TBC1D8B: variants seen among roughly 807,000 people sequenced by gnomAD.
TBC1D8B encodes TBC1 domain family member 8B.
In TBC1D8B, 75 loss-of-function variants were observed where a neutral mutation model predicts 82.9. The observed-to-expected ratio is 0.90, with a 90% CI of 0.75 to 1.10. The LOEUF is 1.10. Among genes scored for constraint, TBC1D8B ranks in the 50% least tolerant of loss-of-function variants. The pLI is 0.00. For synonymous variants in TBC1D8B, 276 were observed against 276.8 expected (o/e 1.00, Z 0.03); for missense variants, 794 against 796.9 (o/e 1.00, Z 0.04).
intron 8 of TBC1D8B, 38 bp downstream of exon 8, chrX:106,839,495 A>G (rs756087292): frequency 9.2e-7 from 1 of 1,087,440 alleles, no homozygotes; most frequent in East Asian, 3.1e-5. Flanking sequence ...GGGCTGAAAC[A>G]TTTGGTGAAA....
chrX:106,872,925 G>C (rs186364849), intron 20 of TBC1D8B, among the ~76,000 whole-genome samples: 10 of 111,118 alleles, frequency 9.0e-5, no homozygotes, highest in African/African-American at 3.0e-4. Flanking sequence ...AGCTATGATT[G>C]CACCATGGTA....
intron 7 of TBC1D8B, chrX:106,830,116 C>T (rs1931993880): frequency 9.0e-6 from 1 of 111,647 alleles, no homozygotes; most frequent in South Asian, 3.8e-4. Context: ...CAAACAACCC[C>T]ATCAAAAAGT....
In TBC1D8B at chrX:106,840,759, A is replaced by C. The variant is rs757588987; in HGVS notation, c.1594A>C (p.Ile532Leu). 8.3e-7 allele frequency: 1 copy of C among 1,211,111 alleles called. No homozygotes were observed. Among genetic ancestry groups the C allele is most frequent in the South Asian group, 1.8e-5 (1 of 56,961 alleles). Residue 532 changes from isoleucine to leucine, a missense_variant, in exon 10 of 21, where the codon ATT (isoleucine) becomes CTT (leucine). Physicochemically the swap from Ile to Leu is conservative, Grantham distance 5. Coordinates refer to ENST00000357242, the MANE Select transcript of TBC1D8B (RefSeq NM_017752.3). ...GACCTGCAACTTGGCTACTGAAGAA[A>C]TTGAACGTGATTTACGTCGCTCTCT... is the stretch of plus-strand genomic sequence containing the variant. ...LGTCNLATEEIERDLRRSLPE... is the reference protein window; with the variant it reads ...LGTCNLATEELERDLRRSLPE...
In TBC1D8B at chrX:106,821,959, A is replaced by T. The variant is rs1465820684; in HGVS notation, c.361-18A>T. Reference sequence around the variant, plus strand: ...TTGGTAGGTGATGAATTTTCAGAAAATATTTTGTCTCCTTTAGGGATTAAT... The same window carrying T: ...TTGGTAGGTGATGAATTTTCAGAAATTATTTTGTCTCCTTTAGGGATTAAT... On this transcript the variant is annotated intron_variant, in intron 3 of 20. Transcript: ENST00000357242. The T allele has an allele frequency of 1.7e-6, 2 of 1,175,744 alleles. No individual in the cohort carries two copies. Among genetic ancestry groups the T allele is most frequent in the East Asian group, 6.0e-5 (2 of 33,567 alleles).
intron 7 of TBC1D8B, among the ~76,000 whole-genome samples, chrX:106,836,534 A>G (rs1037226959): frequency 9.1e-6 from 1 of 110,117 alleles, no homozygotes; most frequent in South Asian, 3.9e-4. Flanking sequence ...TACTTAAGCT[A>G]CTAAGGTTTA....
intron 1 of TBC1D8B, among the ~76,000 whole-genome samples, chrX:106,813,175 A>G (rs1037046331): frequency 8.9e-6 from 1 of 112,435 alleles, no homozygotes; most frequent in South Asian, 3.7e-4. Context: ...ACCTTTTAAA[A>G]TAAACTAAAA....
At chrX:106,869,699 T>C (rs1315481810) in intron 19 of TBC1D8B, among the ~76,000 whole-genome samples, 158 bp downstream of exon 19, 3 of 112,389 alleles carry the variant, frequency 2.7e-5, no homozygotes, top group African/African-American at 9.7e-5. Context: ...CATTTAATTT[T>C]ATTATTTTTA....
intron 4 of TBC1D8B, 23 bp from the exon 5 acceptor site, chrX:106,823,203 C>T: frequency 2.5e-6 from 3 of 1,179,890 alleles, no homozygotes; most frequent in South Asian, 3.8e-5. Context: ...TTAATCATAC[C>T]TGCTTATACC....
intron 14 of TBC1D8B, among the ~76,000 whole-genome samples, chrX:106,862,615 G>A (rs1391705686): frequency 8.2e-5 from 9 of 109,994 alleles, no homozygotes; most frequent in Non-Finnish European, 5.7e-5. Context: ...ATTTCAGCCT[G>A]GCTAAGAACC....
In TBC1D8B at chrX:106,802,715, G is replaced by A. The variant is rs764192507; in HGVS notation, c.-139G>A. 6.7e-5 allele frequency: 58 copies of A among 868,939 alleles called. No individual in the cohort carries two copies. The highest frequency in any genetic ancestry group is 9.1e-5 in the Non-Finnish European group (56 of 614,418). 71.6% of individuals were successfully genotyped at this position (868,939 alleles called of 1,213,427 possible). ...CGTGGGAGAGAAGGGAGGGTTGGGG[G>A]AAGTGTGGAAAACCTGAACCTGAGC... On this transcript the variant is annotated 5_prime_UTR_variant, in exon 1 of 21. Transcript: ENST00000357242.
At position 106,802,942 on chromosome X, in the gene TBC1D8B, G is replaced by C. The variant is rs762220474; in HGVS notation, c.89G>C (p.Arg30Pro). ...TCCAACGACTACTTCGTGCTGCAGC[G>C]GCGTCGGGGCTACGGGGAGGAAGGC... ...ERSNDYFVLQRRRGYGEEGGG... is the reference protein window; with the variant it reads ...ERSNDYFVLQPRRGYGEEGGG... Residue 30 changes from arginine (R) to proline (P), a missense_variant, in exon 1 of 21, where the codon CGG (arginine) becomes CCG (proline). Transcript: ENST00000357242. The C allele has an allele frequency of 3.3e-6, 4 of 1,210,782 alleles. No individual in the cohort carries two copies. The highest frequency in any genetic ancestry group is 3.4e-6 in the Non-Finnish European group (3 of 895,109).
chrX:106,830,960 AAATAAATAAAT>A (rs1932031220), intron 7 of TBC1D8B, among the ~76,000 whole-genome samples: 1 of 108,429 alleles, frequency 9.2e-6, no homozygotes, highest in African/African-American at 3.3e-5. Flanking sequence ...ATAAATAAAT[AAATAAATAAAT>A]AAATAAATAA....
intron 10 of TBC1D8B, among the ~76,000 whole-genome samples, chrX:106,845,402 A>G (rs1932418216): frequency 9.6e-6 from 1 of 104,130 alleles, no homozygotes; most frequent in South Asian, 4.6e-4. Context: ...GCACCCATTA[A>G]CTCATCATTT....
chrX:106,826,131 C>A lies in TBC1D8B; in HGVS notation c.929C>A (p.Pro310Gln). 1 of 1,210,195 alleles carries A rather than the reference C, an allele frequency of 8.3e-7. No individual in the cohort carries two copies. Among genetic ancestry groups the A allele is most frequent in the East Asian group, 3.0e-5 (1 of 33,734 alleles). Residue 310 changes from proline to glutamine, a missense_variant, in exon 6 of 21, where the codon CCA (proline) becomes CAA (glutamine). Transcript: ENST00000357242. ...KEVHECFLWV[P>Q]FSHFNTHGKM... ...GTACATGAATGTTTCTTATGGGTAC[C>A]ATTCAGCCACTTCAATACTCATGGG...
intron 5 of TBC1D8B, among the ~76,000 whole-genome samples, chrX:106,824,224 T>C (rs1405162927): frequency 9.0e-6 from 1 of 110,789 alleles, no homozygotes; most frequent in Non-Finnish European, 1.9e-5. Flanking sequence ...GATCCAGAAA[T>C]AGCTAGTGAA....
chrX:106,858,747 A>G (rs1238098729), intron 14 of TBC1D8B, among the ~76,000 whole-genome samples: 1 of 111,442 alleles, frequency 9.0e-6, no homozygotes. Context: ...TTTTTGTTGC[A>G]ATTGCTTTTG....
chrX:106,844,334 T>A (rs2147755643), intron 10 of TBC1D8B, among the ~76,000 whole-genome samples: 1 of 109,589 alleles, frequency 9.1e-6, no homozygotes, highest in South Asian at 3.9e-4. Flanking sequence ...TAATGTTAAC[T>A]GTGGGTTTCT....
chrX:106,875,654 C>G lies in TBC1D8B; in HGVS notation c.*1689C>G, dbSNP rs1159075781. On this transcript the variant is annotated 3_prime_UTR_variant, in exon 21 of 21. Coordinates refer to ENST00000357242, the MANE Select transcript of TBC1D8B (RefSeq NM_017752.3). Reference sequence around the variant, plus strand: ...AGTTTATATGGAAACTATTATACATCTGCTATTGTGCAATGATTGTTAAAT... The same window carrying G: ...AGTTTATATGGAAACTATTATACATGTGCTATTGTGCAATGATTGTTAAAT... The G allele has an allele frequency of 8.9e-6, 1 of 111,881 alleles. No homozygotes were observed. Among genetic ancestry groups the G allele is most frequent in the Admixed American group, 9.5e-5 (1 of 10,506 alleles). The allele number at this position is 111,881 out of a possible 1,213,427, so 9.2% of individuals were successfully genotyped here.
At chrX:106,826,546 T>C (rs1001462312) in intron 6 of TBC1D8B, among the ~76,000 whole-genome samples, 1 of 104,898 alleles carries the variant, frequency 9.5e-6, no homozygotes, top group Non-Finnish European at 2.0e-5. Context: ...ACATTAGGTA[T>C]ATCTCCTAAT....
Sources: allele counts gnomAD v4.1 joint callset (sites outside exome capture counted in the v4.1 genomes callset), GRCh38; gene constraint gnomAD v4.1.1; transcripts MANE v1.5; gene names NCBI Gene and HGNC (gene_info 2026-07-23, HGNC 2026-07-21).